CTBP2: variants seen among roughly 807,000 people sequenced by gnomAD.
CTBP2 encodes C-terminal binding protein 2, also known as C-terminal-binding protein 2.
CTBP2 carries 30 observed loss-of-function variants against 80.3 expected under a neutral mutation model. That is an observed-to-expected ratio of 0.37 (90% confidence interval 0.28 to 0.51). The LOEUF (loss-of-function observed/expected upper bound fraction) is 0.51. Ranked by LOEUF, CTBP2 falls within the 20% of genes least tolerant of loss-of-function variation. The pLI is 0.93. For synonymous variants in CTBP2, 594 were observed against 587.4 expected (o/e 1.01, Z -0.16); for missense variants, 1,212 against 1,375.3 (o/e 0.88, Z 1.88).
intron 2 of CTBP2, among the ~76,000 whole-genome samples, chr10:125,057,252 C>T (rs561503586): frequency 2.0e-5 from 3 of 152,354 alleles, no homozygotes; most frequent in African/African-American, 7.2e-5. Context: ...GAAAAAACAT[C>T]TGTTGGTGTC....
intron 1 of CTBP2, among the ~76,000 whole-genome samples, chr10:125,010,312 TTCTC>T (rs775558650): frequency 2.0e-5 from 3 of 151,990 alleles, no homozygotes; most frequent in Non-Finnish European, 4.4e-5. Context: ...CAAATGGGCT[TTCTC>T]TCTGTGTTGC....
intron 5 of CTBP2, 65 bp downstream of exon 7, chr10:124,994,404 T>G: frequency 6.6e-7 from 1 of 1,519,700 alleles, no homozygotes. Context: ...GTGTCCCTCT[T>G]GTGCCCACAA....
Position 125,109,679 on chromosome 10 carries a change from C to T in CTBP2, c.-102+1311G>A, listed in dbSNP as rs1046440202. 7.9e-5 allele frequency among the ~76,000 whole-genome samples: 12 copies of T among 152,232 alleles called. No homozygotes were observed. The East Asian group carries it at 1.7e-3, about 22-fold the overall frequency. On this transcript the variant is annotated intron_variant, in intron 2 of 10. Transcript: ENST00000337195. ...CATACACAACTCAACTCGAGCTTCA[C>T]GCTCTGCTATGGCCTTTGGCCCAGC...
At chr10:125,005,915 TGTTC>T (rs1955182377) in intron 1 of CTBP2, 2 of 1,508,754 alleles carry the variant, frequency 1.3e-6, no homozygotes. Context: ...AAATCCAAGC[TGTTC>T]GTTAAATGGT....
At chr10:125,037,853 C>T (rs1959046331) in intron 3 of CTBP2, among the ~76,000 whole-genome samples, 1 of 152,190 alleles carries the variant, frequency 6.6e-6, no homozygotes, top group Admixed American at 6.5e-5. Flanking sequence ...GAAGAAAATC[C>T]ATCATCTACT....
At chr10:125,148,778 G>A (rs571159736) in intron 1 of CTBP2, among the ~76,000 whole-genome samples, 1 of 152,328 alleles carries the variant, frequency 6.6e-6, no homozygotes, top group East Asian at 1.9e-4. Flanking sequence ...AAATGCTGAG[G>A]AAGACATCAC....
At chr10:125,047,740 T>C (rs1030362553) in intron 2 of CTBP2, among the ~76,000 whole-genome samples, 1 of 152,238 alleles carries the variant, frequency 6.6e-6, no homozygotes, top group African/African-American at 2.4e-5. Context: ...ATATAATAAA[T>C]TATTAATGAG....
At chr10:125,029,308 CTCGGCT>C (rs1957957174), upstream of CTBP2, among the ~76,000 whole-genome samples, 4 of 146,274 alleles carry the variant, frequency 2.7e-5, no homozygotes, top group Admixed American at 2.8e-4. Flanking sequence ...ATGGCGCGAT[CTCGGCT>C]CACTGCAGTC....
At chr10:125,061,004 C>CTAGAT (rs1262376068) in intron 2 of CTBP2, among the ~76,000 whole-genome samples, 5 of 152,176 alleles carry the variant, frequency 3.3e-5, no homozygotes, top group Non-Finnish European at 7.3e-5. Flanking sequence ...CCATAGCCAG[C>CTAGAT]CCCTGCTAGA....
intron 1 of CTBP2, among the ~76,000 whole-genome samples, chr10:125,018,791 G>A (rs553739768): frequency 7.2e-5 from 11 of 152,320 alleles, no homozygotes; most frequent in East Asian, 3.9e-4. Context: ...CCCCGCCAAC[G>A]CCACTGGCAT....
intron 2 of CTBP2, among the ~76,000 whole-genome samples, chr10:125,104,551 A>T (rs1851164180): frequency 6.6e-6 from 1 of 152,084 alleles, no homozygotes; most frequent in African/African-American, 2.4e-5. Context: ...GTGCAGAAAA[A>T]CGTTCCATTT....
At chr10:125,149,939 T>C (rs1379219382) in intron 1 of CTBP2, among the ~76,000 whole-genome samples, 1 of 152,222 alleles carries the variant, frequency 6.6e-6, no homozygotes, top group Non-Finnish European at 1.5e-5. Flanking sequence ...TTCAAATTCC[T>C]TTCTAAGGCC....
intron 2 of CTBP2, among the ~76,000 whole-genome samples, chr10:125,103,350 G>A (rs1014415417): frequency 2.8e-4 from 43 of 152,302 alleles, no homozygotes; most frequent in African/African-American, 9.9e-4. Context: ...GGGACAATGA[G>A]CTCAAGGAGC....
intron 1 of CTBP2, among the ~76,000 whole-genome samples, chr10:125,150,255 C>G (rs1037734355): frequency 6.6e-6 from 1 of 152,212 alleles, no homozygotes; most frequent in Non-Finnish European, 1.5e-5. Context: ...CACACTATCC[C>G]AGACCACAAA....
rs532997622 is a variant in CTBP2, at chr10:125,157,359, G to A, written c.-206+2960C>T. Among the ~76,000 whole-genome samples, 8 of 131,684 alleles carry A rather than the reference G, an allele frequency of 6.1e-5. No individual in the cohort carries two copies. The South Asian group carries it at 2.2e-3, about 37-fold the overall frequency. The allele number at this position is 131,684 out of a possible 152,430, so 86.4% of individuals were successfully genotyped here. The stretch of plus-strand genomic sequence containing the variant: ...CATTCAACCTGCAGACTCTTATTAA[G>A]GTACAATTAGAGAGGGGGTTGTCAG... On this transcript the variant is annotated intron_variant, in intron 1 of 10. Coordinates refer to the CTBP2 transcript ENST00000337195.
At chr10:125,111,174 C>T (rs1852240090) in intron 1 of CTBP2, 81 bp from the exon 2 acceptor site, 1 of 151,858 alleles carries the variant, frequency 6.6e-6, no homozygotes, top group Non-Finnish European at 1.5e-5. Flanking sequence ...CCTTTAATTG[C>T]ATTTTTCCAA....
chr10:125,112,221 T>G (rs1237110351), intron 1 of CTBP2, among the ~76,000 whole-genome samples: 1 of 148,516 alleles, frequency 6.7e-6, no homozygotes, highest in Non-Finnish European at 1.5e-5. Flanking sequence ...CAGGCAATTC[T>G]CCTGCCTCGG....
rs867109215 is a variant in CTBP2, at chr10:124,984,710, A to C, written c.*4808T>G. On this transcript the variant is annotated 3_prime_UTR_variant, in exon 9 of 9. Transcript: ENST00000309035. ...CATACCAGCTGTAGGTTTCCATGTC[A>C]CATTCCTACCAAGTCTCTGATCTGT... The C allele has an allele frequency of 1.2e-5, 19 of 1,524,676 alleles. No individual in the cohort carries two copies. In the Middle Eastern group the frequency reaches 1.3e-3, roughly 106 times the overall value. The allele number at this position is 1,524,676 out of a possible 1,614,324, so 94.4% of individuals were successfully genotyped here.
chr10:125,048,518 G>A (rs932442542), intron 2 of CTBP2, among the ~76,000 whole-genome samples: 1 of 152,208 alleles, frequency 6.6e-6, no homozygotes, highest in African/African-American at 2.4e-5. Flanking sequence ...GGGATGCAGC[G>A]CCAGCGCCTA....
Sources: gnomAD v4.1 joint callset for allele counts (sites outside exome capture counted in the v4.1 genomes callset) on GRCh38, gnomAD v4.1.1 for gene constraint, MANE v1.5 for transcripts, NCBI Gene and HGNC (gene_info 2026-07-23, HGNC 2026-07-21) for gene names.